The following RTTN variants were observed in gnomAD, a reference collection of about 807,000 sequenced individuals.
RTTN encodes the protein rotatin.
A neutral mutation model predicts 269.2 loss-of-function variants in RTTN; 182 were observed. The observed-to-expected ratio is 0.68, with a 90% CI of 0.60 to 0.76. The LOEUF is 0.76. Among genes scored for constraint, RTTN ranks in the 30% least tolerant of loss-of-function variants. RTTN has a pLI of 0.00. For missense variants in RTTN, 2,545 were observed against 2,608.6 expected, an observed-to-expected ratio of 0.98 and a Z score of 0.53; for synonymous variants, 1,006 against 963.5, an observed-to-expected ratio of 1.04 and a Z score of -0.82.
chr18:70,170,682 G>C lies in RTTN; in HGVS notation c.1477-1615C>G, dbSNP rs185194921. Among the ~76,000 whole-genome samples, 7 of 152,288 alleles carry C rather than the reference G, an allele frequency of 4.6e-5. No homozygotes were observed. The East Asian group carries it at 1.4e-3, about 29-fold the overall frequency. ...GGGTCGTCATAAGGAATTGTCCTCT[G>C]CTGAAAGCCACTGGAACATTTTAAA... On this transcript the variant is annotated intron_variant, in intron 11 of 48. Transcript: ENST00000640769.
At chr18:70,052,656 C>T (rs866018663) in intron 38 of RTTN, among the ~76,000 whole-genome samples, 1 of 50,190 alleles carries the variant, frequency 2.0e-5, no homozygotes. Context: ...ATATATATAT[C>T]ATCACAATGT....
rs189167928 is a variant in RTTN, at chr18:70,009,915, A to G, written c.6422-3431T>C. 1.1e-3 allele frequency among the ~76,000 whole-genome samples: 166 copies of G among 152,280 alleles called. 1 individual carries two copies. The highest frequency in any genetic ancestry group is 3.4e-3 in the Middle Eastern group (1 of 294). On this transcript the variant is annotated intron_variant, in intron 46 of 48. Transcript: ENST00000640769. ...TAAGCAAATGGCAAGCAGGGGAGAA[A>G]AAAAAAGCAGAGGTGGCAATCTTAG... is the stretch of plus-strand genomic sequence containing the variant.
chr18:70,087,896 G>T, intron 31 of RTTN, 93 bp downstream of exon 31: 2 of 1,292,452 alleles, frequency 1.5e-6, no homozygotes, highest in Non-Finnish European at 2.2e-6. Flanking sequence ...ATGGTCAGTG[G>T]TCAGTCCACC....
chr18:70,137,058 T>G (rs967981), intron 21 of RTTN, among the ~76,000 whole-genome samples: 2,957 of 152,234 alleles, frequency 0.019, 95 homozygotes, highest in African/African-American at 0.066. Flanking sequence ...AAAAATATAT[T>G]CCTAATGATA....
In RTTN at chr18:70,005,285, T is replaced by G. The variant is rs1383031424; in HGVS notation, c.6526-18A>C. 6.3e-7 allele frequency: 1 copy of G among 1,597,852 alleles called. No individual in the cohort carries two copies. Among genetic ancestry groups the G allele is most frequent in the African/African-American group, 1.3e-5 (1 of 74,700 alleles). On this transcript the variant is annotated intron_variant, in intron 47 of 48. Coordinates refer to ENST00000640769, the MANE Select transcript of RTTN (RefSeq NM_173630.4). ...GTTTTTGCCTAGAACAATCCATTAA[T>G]TAGGTTTCTTGCCATGTGTTATGGA...
At chr18:70,195,145 T>C (rs1473287210) in intron 7 of RTTN, among the ~76,000 whole-genome samples, 2 of 152,198 alleles carry the variant, frequency 1.3e-5, no homozygotes, top group East Asian at 3.8e-4. Context: ...ATTCTCCTCT[T>C]CTGCCCAGCT....
chr18:70,087,578 A>G (rs1159933757), intron 31 of RTTN, among the ~76,000 whole-genome samples: 3 of 152,178 alleles, frequency 2.0e-5, no homozygotes, highest in African/African-American at 7.2e-5. Context: ...AGCTATTCAG[A>G]AAGAATTAAA....
intron 28 of RTTN, among the ~76,000 whole-genome samples, chr18:70,099,788 T>C (rs1438353549): frequency 6.6e-6 from 1 of 152,254 alleles, no homozygotes; most frequent in Non-Finnish European, 1.5e-5. Context: ...CAGTTTCAGC[T>C]TTCTACATAT....
At position 70,166,987 on chromosome 18, in the gene RTTN, G is replaced by A. The variant is rs1220264329; in HGVS notation, c.1734C>T (p.Ala578=). The A allele has an allele frequency of 6.2e-7, 1 of 1,613,660 alleles. No individual in the cohort carries two copies. The highest frequency in any genetic ancestry group is 1.3e-5 in the African/African-American group (1 of 74,930). The change falls in exon 13 of 49, where the codon GCC becomes GCT. Residue 578 remains alanine (A), a synonymous_variant. Coordinates refer to ENST00000640769, the MANE Select transcript of RTTN (RefSeq NM_173630.4). ...GCTGATGATAGGAAAAGCTACGCAA[G>A]GCTTGGTCTGCCAGCTCCACTAATT... ...LLELVELADQ[A]LRSFSYHQHF...
At chr18:70,179,826 T>C (rs181364449) in intron 10 of RTTN, among the ~76,000 whole-genome samples, 10 of 152,264 alleles carry the variant, frequency 6.6e-5, no homozygotes, top group Non-Finnish European at 1.2e-4. Flanking sequence ...CCAATGGACC[T>C]TCCACACTGC....
chr18:70,188,449 A>T (rs970482042), intron 9 of RTTN, among the ~76,000 whole-genome samples: 1 of 152,236 alleles, frequency 6.6e-6, no homozygotes, highest in Non-Finnish European at 1.5e-5. Flanking sequence ...TACATTTATA[A>T]TTGGAAAAGA....
intron 27 of RTTN, among the ~76,000 whole-genome samples, chr18:70,112,735 A>T (rs1185590554): frequency 6.6e-6 from 1 of 152,190 alleles, no homozygotes; most frequent in African/African-American, 2.4e-5. Context: ...TTAACACCCC[A>T]CTACCAATAT....
At chr18:70,154,092 G>A (rs2060611154) in intron 14 of RTTN, among the ~76,000 whole-genome samples, 1 of 152,200 alleles carries the variant, frequency 6.6e-6, no homozygotes, top group African/African-American at 2.4e-5. Context: ...GCAACAAAAT[G>A]TATGACACTT....
chr18:70,158,467 G>T lies in RTTN; in HGVS notation c.1929+7595C>A, dbSNP rs572640615. On this transcript the variant is annotated intron_variant, in intron 14 of 48. Transcript: ENST00000640769. ...TGGAGTGCTAAAAAAGGAAGCAAAA[G>T]ACCATTACCTGCCTCCACAAAAACA... Among the ~76,000 whole-genome samples, 4 of 152,238 alleles carry T rather than the reference G, an allele frequency of 2.6e-5. No individual in the cohort carries two copies. The South Asian group carries it at 6.2e-4, about 24-fold the overall frequency.
chr18:70,150,616 C>T lies in RTTN; in HGVS notation c.2047G>A (p.Glu683Lys), dbSNP rs776898563. ...EISVFGIQEP[E>K]SEVNTAAKAI... is the part of the protein sequence containing the mutation. ...CATGTTTAATGTCATACCTCACTTT[C>T]GGGCTCTTGAATGCCAAATACAGAG... The change falls in exon 15 of 49, where the codon GAA becomes AAA. Residue 683 changes from glutamate (E) to lysine (K), a missense_variant. Glu to Lys is a moderately conservative substitution (Grantham distance 56). Coordinates refer to ENST00000640769, the MANE Select transcript of RTTN (RefSeq NM_173630.4). The T allele has an allele frequency of 1.8e-5, 29 of 1,611,814 alleles. No individual in the cohort carries two copies. Among genetic ancestry groups the T allele is most frequent in the South Asian group, 7.7e-5 (7 of 90,926 alleles).
intron 26 of RTTN, among the ~76,000 whole-genome samples, chr18:70,119,497 G>A (rs2059683257): frequency 6.6e-6 from 1 of 151,388 alleles, no homozygotes. Context: ...AGGGAAGGGA[G>A]GAAAAGAAAG....
chr18:70,054,348 A>G, intron 37 of RTTN, 64 bp from the exon 38 acceptor site: 1 of 1,435,408 alleles, frequency 7.0e-7, no homozygotes, highest in Admixed American at 2.3e-5. Flanking sequence ...TCAGTGATAC[A>G]GCATTTTACT....
chr18:70,061,976 C>G (rs2144917698), intron 35 of RTTN, among the ~76,000 whole-genome samples: 1 of 152,266 alleles, frequency 6.6e-6, no homozygotes, highest in South Asian at 2.1e-4. Context: ...CTTTCATTGT[C>G]TACAATATAT....
chr18:70,056,606 C>T (rs1411173953), intron 37 of RTTN, among the ~76,000 whole-genome samples: 1 of 152,168 alleles, frequency 6.6e-6, no homozygotes, highest in Non-Finnish European at 1.5e-5. Context: ...GACTGTGCCC[C>T]TCTGGCCTCA....
Sources: allele counts gnomAD v4.1 joint callset (sites outside exome capture counted in the v4.1 genomes callset), GRCh38; gene constraint gnomAD v4.1.1; transcripts MANE v1.5; gene names NCBI Gene and HGNC (gene_info 2026-07-23, HGNC 2026-07-21).